The following SLC71A2 variants were observed in gnomAD, a reference collection of about 807,000 sequenced individuals.
The protein encoded by SLC71A2 is solute carrier family 71 member 2, also known as hippocampus abundant transcript-like 1.
chr9:94,381,061 A>ATTTTTTTT, the SLC71A2 span, among the ~76,000 whole-genome samples: 1 of 87,846 alleles, frequency 1.1e-5, no homozygotes, highest in Non-Finnish European at 2.2e-5. Flanking sequence ...TTTGAGATGG[A>ATTTTTTTT]GTTTCACTCT....
At chr9:94,450,703 C>T in the SLC71A2 span, among the ~76,000 whole-genome samples, 1 of 152,114 alleles carries the variant, frequency 6.6e-6, no homozygotes, top group Non-Finnish European at 1.5e-5. Context: ...GTTGGTCAGG[C>T]TGGTCTCGAA....
chr9:94,399,219 CT>C, the SLC71A2 span, among the ~76,000 whole-genome samples: 3 of 152,150 alleles, frequency 2.0e-5, no homozygotes, highest in African/African-American at 7.2e-5. Context: ...TGCTTATATT[CT>C]GGGATTACAA....
the SLC71A2 span, among the ~76,000 whole-genome samples, chr9:94,443,138 C>G: frequency 2.8e-4 from 42 of 152,254 alleles, no homozygotes; most frequent in Middle Eastern, 3.4e-3. Context: ...AGAGTTCTAA[C>G]CAGAAGCGCC....
At chr9:94,450,860 T>C in the SLC71A2 span, among the ~76,000 whole-genome samples, 3 of 152,342 alleles carry the variant, frequency 2.0e-5, no homozygotes, top group East Asian at 5.8e-4. Context: ...GAGATACTGT[T>C]ACGGTCAGAG....
At chr9:94,399,318 A>G in the SLC71A2 span, among the ~76,000 whole-genome samples, 1 of 152,036 alleles carries the variant, frequency 6.6e-6, no homozygotes, top group Non-Finnish European at 1.5e-5. Flanking sequence ...TTATTTGAGA[A>G]TGGCATTTGA....
chr9:94,413,872 A>G, the SLC71A2 span, among the ~76,000 whole-genome samples: 1 of 152,254 alleles, frequency 6.6e-6, no homozygotes, highest in East Asian at 1.9e-4. Flanking sequence ...CCTATGTCTG[A>G]CAGTTGGTGA....
At chr9:94,404,433 A>G in the SLC71A2 span, among the ~76,000 whole-genome samples, 1 of 151,962 alleles carries the variant, frequency 6.6e-6, no homozygotes, top group African/African-American at 2.4e-5. Flanking sequence ...GTAGCTAGGA[A>G]CACAGGCATG....
chr9:94,450,876 G>C, the SLC71A2 span, among the ~76,000 whole-genome samples: 2 of 152,216 alleles, frequency 1.3e-5, no homozygotes, highest in Non-Finnish European at 2.9e-5. Context: ...CAGAGGCTTA[G>C]AAATCATTGC....
At chr9:94,455,970 A>G in the SLC71A2 span, among the ~76,000 whole-genome samples, 2 of 152,216 alleles carry the variant, frequency 1.3e-5, no homozygotes, top group South Asian at 4.1e-4. Flanking sequence ...AGCAGTAGGG[A>G]GACCAGGGAG....
the SLC71A2 span, among the ~76,000 whole-genome samples, chr9:94,456,978 C>T: frequency 6.7e-6 from 1 of 149,882 alleles, no homozygotes; most frequent in South Asian, 2.2e-4. Context: ...CACCCCCCAC[C>T]TCCTACCCCT....
the SLC71A2 span, among the ~76,000 whole-genome samples, chr9:94,402,333 A>G: frequency 6.6e-6 from 1 of 152,174 alleles, no homozygotes. Context: ...TTTTCTCTCT[A>G]TTGCATTTTA....
At chr9:94,435,884 C>G in the SLC71A2 span, among the ~76,000 whole-genome samples, 1 of 152,060 alleles carries the variant, frequency 6.6e-6, no homozygotes, top group African/African-American at 2.4e-5. Flanking sequence ...CTCCTGACCT[C>G]AGGTGATCCG....
the SLC71A2 span, among the ~76,000 whole-genome samples, chr9:94,406,996 GA>G: frequency 6.6e-6 from 1 of 152,108 alleles, no homozygotes; most frequent in Admixed American, 6.6e-5. Context: ...GATCTTAGAG[GA>G]AAAGTTTCCA....
chr9:94,402,114 A>C, the SLC71A2 span, among the ~76,000 whole-genome samples: 21 of 152,268 alleles, frequency 1.4e-4, no homozygotes, highest in African/African-American at 4.6e-4. Context: ...TTTATCAGCA[A>C]GGTCTTTATG....
At chr9:94,418,279 T>G in the SLC71A2 span, among the ~76,000 whole-genome samples, 9,267 of 152,270 alleles carry the variant, frequency 0.061, 609 homozygotes, top group East Asian at 0.24. Flanking sequence ...TATTTATTTG[T>G]CTTCAAGGTT....
chr9:94,456,083 G>A, the SLC71A2 span, among the ~76,000 whole-genome samples: 2 of 151,772 alleles, frequency 1.3e-5, no homozygotes, highest in Admixed American at 1.3e-4. Flanking sequence ...ATGTAACCTT[G>A]TAGGTTAAAA....
the SLC71A2 span, among the ~76,000 whole-genome samples, chr9:94,385,126 A>G: frequency 2.6e-5 from 4 of 152,166 alleles, no homozygotes; most frequent in African/African-American, 4.8e-5. Context: ...AGCACAAAAT[A>G]GACTGAGACA....
At chr9:94,407,460 C>T in the SLC71A2 span, among the ~76,000 whole-genome samples, 2 of 151,208 alleles carry the variant, frequency 1.3e-5, no homozygotes, top group African/African-American at 2.4e-5. Flanking sequence ...CTCACTGCAA[C>T]CTCCGCCTCC....
the SLC71A2 span, chr9:94,441,185 CCTTT>C: frequency 1.5e-6 from 1 of 660,202 alleles, no homozygotes. Flanking sequence ...GTTTATTAGT[CCTTT>C]CTTGCACTGC....
Sources: gnomAD v4.1 joint callset for allele counts (sites outside exome capture counted in the v4.1 genomes callset) on GRCh38, gnomAD v4.1.1 for gene constraint, MANE v1.5 for transcripts, NCBI Gene and HGNC (gene_info 2026-07-23, HGNC 2026-07-21) for gene names.